Variants in BEND6 observed in about 807,000 individuals in gnomAD.
BEND6 encodes the protein BEN domain-containing protein 6.
In BEND6, 24 loss-of-function variants were observed where a neutral mutation model predicts 31.8. The observed-to-expected ratio is 0.75, with a 90% CI of 0.55 to 1.06. BEND6 has a LOEUF of 1.06. Ranked by LOEUF, BEND6 falls within the 50% of genes least tolerant of loss-of-function variation. The pLI, the probability that BEND6 is intolerant of heterozygous loss-of-function variation, is 0.00. For synonymous variants in BEND6, 109 were observed against 114.6 expected (o/e 0.95, Z 0.31); for missense variants, 294 against 327.4 (o/e 0.90, Z 0.79).
intron 3 of BEND6, among the ~76,000 whole-genome samples, chr6:56,995,263 T>G (rs1290226100): frequency 6.6e-6 from 1 of 152,038 alleles, no homozygotes; most frequent in African/African-American, 2.4e-5. Context: ...GACCATTTGC[T>G]TCTCTACCTT....
intron 3 of BEND6, among the ~76,000 whole-genome samples, chr6:56,996,162 A>G (rs533816076): frequency 7.4e-4 from 113 of 152,238 alleles, no homozygotes; most frequent in Non-Finnish European, 2.4e-4. Flanking sequence ...ATATCCATCA[A>G]TGAGGCTGGG....
At chr6:56,987,753 C>T (rs560215163) in intron 2 of BEND6, among the ~76,000 whole-genome samples, 1 of 152,214 alleles carries the variant, frequency 6.6e-6, no homozygotes, top group South Asian at 2.1e-4. Context: ...CTTCTACTCT[C>T]AGGTTAATTC....
At chr6:57,011,801 C>T (rs1464191872) in intron 3 of BEND6, among the ~76,000 whole-genome samples, 1 of 147,728 alleles carries the variant, frequency 6.8e-6, no homozygotes, top group Admixed American at 6.7e-5. Flanking sequence ...TTGGAAGCAA[C>T]CTAATTTCCA....
chr6:56,959,871 A>G (rs1825227005), intron 1 of BEND6, among the ~76,000 whole-genome samples: 1 of 152,154 alleles, frequency 6.6e-6, no homozygotes, highest in African/African-American at 2.4e-5. Context: ...TGTAGAGCCT[A>G]ATTAGGTTTT....
chr6:57,001,765 T>C (rs1486058835), intron 3 of BEND6, among the ~76,000 whole-genome samples: 1 of 152,180 alleles, frequency 6.6e-6, no homozygotes, highest in African/African-American at 2.4e-5. Flanking sequence ...AACAAAATAA[T>C]GAAACCTACT....
chr6:56,956,842 T>C (rs1825101302), intron 1 of BEND6, among the ~76,000 whole-genome samples: 1 of 152,078 alleles, frequency 6.6e-6, no homozygotes, highest in African/African-American at 2.4e-5. Flanking sequence ...ATCCTGAGAG[T>C]TTGCAATGTG....
chr6:56,990,835 G>A (rs1470300711), intron 2 of BEND6, among the ~76,000 whole-genome samples: 1 of 152,106 alleles, frequency 6.6e-6, no homozygotes, highest in Non-Finnish European at 1.5e-5. Context: ...TCCTACAGGA[G>A]TCAGACAATC....
rs1257238980 is a variant in BEND6, at chr6:56,955,468, A to C, written c.-101+8A>C. The C allele has an allele frequency of 6.6e-6, 1 of 152,198 alleles. No homozygotes were observed. 9.4% of individuals were successfully genotyped at this position (152,198 alleles called of 1,614,324 possible). On this transcript the variant is annotated splice_region_variant and intron_variant, in intron 1 of 6. Coordinates refer to ENST00000370746, the MANE Select transcript of BEND6 (RefSeq NM_152731.3). ...TTTGAAGAATGCAGCCGGGTGAGCTATTGCTTGTGGGGGTTTCCTCGCACT... is the reference window on the plus strand; with the variant it reads ...TTTGAAGAATGCAGCCGGGTGAGCTCTTGCTTGTGGGGGTTTCCTCGCACT...
intron 3 of BEND6, chr6:57,008,254 T>C: frequency 1.4e-6 from 1 of 702,798 alleles, no homozygotes; most frequent in Non-Finnish European, 2.6e-6. Context: ...TTGACTCATC[T>C]CAGATACGGG....
At chr6:56,991,430 A>G (rs1456160984) in intron 2 of BEND6, among the ~76,000 whole-genome samples, 2 of 151,818 alleles carry the variant, frequency 1.3e-5, no homozygotes, top group Non-Finnish European at 2.9e-5. Context: ...GGTGGAGCGC[A>G]GTGGTACCAT....
At chr6:56,962,874 G>C (rs992491587) in intron 1 of BEND6, among the ~76,000 whole-genome samples, 2 of 152,114 alleles carry the variant, frequency 1.3e-5, no homozygotes, top group Non-Finnish European at 2.9e-5. Flanking sequence ...TTACTGAATG[G>C]CTACCTTGAT....
rs557553352 is a variant in BEND6, at chr6:57,000,688, G to T, written c.298+8133G>T. On this transcript the variant is annotated intron_variant, in intron 3 of 6. Transcript: ENST00000370746. ...TTTCCAAAATCTGGAGTTGGGATGG[G>T]CATTAGTGGTTTGGAGAGGAAAGAG... Among the ~76,000 whole-genome samples, 32 of 151,744 alleles carry T rather than the reference G, an allele frequency of 2.1e-4. No individual in the cohort carries two copies. The East Asian group carries it at 6.2e-3, about 29-fold the overall frequency.
intron 3 of BEND6, among the ~76,000 whole-genome samples, chr6:57,014,178 T>G (rs1226060920): frequency 1.3e-5 from 2 of 152,230 alleles, no homozygotes; most frequent in African/African-American, 2.4e-5. Flanking sequence ...ATGGAATAAG[T>G]GTCTGGTACA....
intron 1 of BEND6, among the ~76,000 whole-genome samples, chr6:56,980,175 C>A (rs1826020052): frequency 6.6e-6 from 1 of 152,102 alleles, no homozygotes; most frequent in South Asian, 2.1e-4. Flanking sequence ...ATTGCTTTTT[C>A]TTTTGCTTTT....
chr6:56,969,484 T>C (rs1263234890), intron 1 of BEND6, among the ~76,000 whole-genome samples: 4 of 152,214 alleles, frequency 2.6e-5, no homozygotes, highest in Non-Finnish European at 5.9e-5. Flanking sequence ...GAGTCTTCAG[T>C]TCATATTCTG....
chr6:56,985,116 T>C (rs965142629), intron 2 of BEND6, among the ~76,000 whole-genome samples: 1 of 152,196 alleles, frequency 6.6e-6, no homozygotes, highest in African/African-American at 2.4e-5. Flanking sequence ...CAGGTGACTG[T>C]TGTACCAAAT....
chr6:57,021,400 A>G (rs1562561367), intron 6 of BEND6, among the ~76,000 whole-genome samples: 1 of 152,194 alleles, frequency 6.6e-6, no homozygotes, highest in Admixed American at 6.5e-5. Flanking sequence ...CTTTTCTAGC[A>G]TGGTCCCTGT....
chr6:56,966,026 C>T (rs1431423220), intron 1 of BEND6, among the ~76,000 whole-genome samples: 1 of 152,064 alleles, frequency 6.6e-6, no homozygotes, highest in Non-Finnish European at 1.5e-5. Flanking sequence ...ACTTATAGTC[C>T]TCCTAAAATA....
chr6:57,005,770 TA>T, intron 3 of BEND6, among the ~76,000 whole-genome samples: 1 of 142,824 alleles, frequency 7.0e-6, no homozygotes, highest in South Asian at 2.1e-4. Context: ...TAATCCCAAT[TA>T]AAATACCAAT....
Sources: allele counts gnomAD v4.1 joint callset (sites outside exome capture counted in the v4.1 genomes callset), GRCh38; gene constraint gnomAD v4.1.1; transcripts MANE v1.5; gene names NCBI Gene and HGNC (gene_info 2026-07-23, HGNC 2026-07-21).